Variants in CADM1 observed in about 807,000 individuals in gnomAD.
The protein encoded by CADM1 is TSLC-1.
A neutral mutation model predicts 53.1 loss-of-function variants in CADM1; 15 were observed. The ratio of observed to expected loss-of-function variants is 0.28; its 90% confidence interval spans 0.19 to 0.44. CADM1 has a LOEUF of 0.44. CADM1 is among the 20% of genes least tolerant of loss of function. The pLI is 1.00. For missense variants in CADM1, 434 were observed against 611.3 expected, an observed-to-expected ratio of 0.71 and a Z score of 3.06; for synonymous variants, 281 against 243.0, an observed-to-expected ratio of 1.16 and a Z score of -1.45.
At chr11:115,449,129 G>A (rs1187987666) in intron 1 of CADM1, among the ~76,000 whole-genome samples, 1 of 152,112 alleles carries the variant, frequency 6.6e-6, no homozygotes, top group Non-Finnish European at 1.5e-5. Flanking sequence ...AATAGATATT[G>A]CAAGCCACCA....
chr11:115,503,027 C>T (rs1949764351), intron 1 of CADM1, among the ~76,000 whole-genome samples: 1 of 152,156 alleles, frequency 6.6e-6, no homozygotes, highest in Admixed American at 6.5e-5. Flanking sequence ...CCTGCTGCAT[C>T]CCCTCCTGCA....
chr11:115,252,408 A>AT lies in CADM1; in HGVS notation c.125-11989dup, dbSNP rs201195766. ...CTTATGATCTTCCATAATCTGCTGA[A>AT]TTTTTTTTTATTTCAGAGGTTTAGC... On this transcript the variant is annotated intron_variant, in intron 1 of 11. Coordinates refer to ENST00000331581, the MANE Select transcript of CADM1 (RefSeq NM_001301043.2). Among the ~76,000 whole-genome samples, 1,046 of 151,976 alleles carry AT rather than the reference A, an allele frequency of 6.9e-3. 8 individuals are homozygous for AT. Among genetic ancestry groups the AT allele is most frequent in the African/African-American group, 0.02 (833 of 41,440 alleles).
At chr11:115,454,049 TA>T (rs912372692) in intron 1 of CADM1, among the ~76,000 whole-genome samples, 40 of 146,326 alleles carry the variant, frequency 2.7e-4, no homozygotes, top group Middle Eastern at 3.5e-3. Context: ...AAATGTTCTT[TA>T]AAAAAAAAAT....
intron 1 of CADM1, among the ~76,000 whole-genome samples, chr11:115,439,591 G>A (rs1948262211): frequency 1.3e-5 from 2 of 152,190 alleles, no homozygotes; most frequent in South Asian, 2.1e-4. Context: ...ATGTTTTGCA[G>A]AGATGTCCAC....
At chr11:115,406,244 C>T (rs1173070376) in intron 1 of CADM1, among the ~76,000 whole-genome samples, 2 of 151,966 alleles carry the variant, frequency 1.3e-5, no homozygotes, top group African/African-American at 4.8e-5. Context: ...CATATATTCA[C>T]TCGCTTCCTT....
At chr11:115,227,893 A>G (rs1591623929) in intron 5 of CADM1, among the ~76,000 whole-genome samples, 1 of 152,366 alleles carries the variant, frequency 6.6e-6, no homozygotes, top group East Asian at 1.9e-4. Flanking sequence ...GCTCCCAAAG[A>G]TAAGTCCATG....
intron 1 of CADM1, among the ~76,000 whole-genome samples, chr11:115,415,874 A>G (rs899128311): frequency 6.6e-6 from 1 of 151,664 alleles, no homozygotes; most frequent in Admixed American, 6.6e-5. Context: ...TAAGTGGGAT[A>G]ATCAAAGTAG....
At chr11:115,235,878 T>A (rs550310306) in intron 3 of CADM1, among the ~76,000 whole-genome samples, 19 of 152,276 alleles carry the variant, frequency 1.2e-4, no homozygotes, top group African/African-American at 4.6e-4. Context: ...TGAATAGTAG[T>A]ATAAAGAGAG....
At chr11:115,179,954 G>A (rs1232453430) in intron 10 of CADM1, among the ~76,000 whole-genome samples, 1 of 152,202 alleles carries the variant, frequency 6.6e-6, no homozygotes, top group African/African-American at 2.4e-5. Flanking sequence ...CATTTCACCA[G>A]GAAGACTGAG....
intron 1 of CADM1, among the ~76,000 whole-genome samples, chr11:115,262,999 G>A (rs552588016): frequency 2.6e-5 from 4 of 152,302 alleles, no homozygotes; most frequent in African/African-American, 7.2e-5. Context: ...GAAGAGTACC[G>A]GTCAGCTATT....
chr11:115,385,633 G>GAA (rs3045733), intron 1 of CADM1, among the ~76,000 whole-genome samples: 9 of 111,484 alleles, frequency 8.1e-5, no homozygotes, highest in African/African-American at 2.2e-4. Context: ...AAGGATTAAA[G>GAA]AAAAAAAAAA....
intron 11 of CADM1, among the ~76,000 whole-genome samples, chr11:115,177,956 C>A (rs1035156462): frequency 6.6e-6 from 1 of 151,800 alleles, no homozygotes; most frequent in African/African-American, 2.4e-5. Flanking sequence ...GAGACAGGGG[C>A]GGACAAAGAA....
chr11:115,417,123 G>C (rs190952029), intron 1 of CADM1, among the ~76,000 whole-genome samples: 1 of 152,306 alleles, frequency 6.6e-6, no homozygotes, highest in Non-Finnish European at 1.5e-5. Context: ...AACCATCCAA[G>C]GGAAAATAGA....
At chr11:115,281,026 T>C (rs1353066421) in intron 1 of CADM1, among the ~76,000 whole-genome samples, 1 of 152,234 alleles carries the variant, frequency 6.6e-6, no homozygotes, top group Non-Finnish European at 1.5e-5. Context: ...CTATGGCCCC[T>C]CTGGCCTTGA....
intron 1 of CADM1, among the ~76,000 whole-genome samples, chr11:115,486,653 C>A (rs314515): frequency 0.052 from 7,961 of 152,258 alleles, 253 homozygotes; most frequent in Middle Eastern, 0.092. Context: ...CCTTGAATTT[C>A]ATTTAAACCT....
intron 1 of CADM1, among the ~76,000 whole-genome samples, chr11:115,339,432 T>C (rs1450523354): frequency 2.0e-5 from 3 of 152,120 alleles, no homozygotes; most frequent in Non-Finnish European, 2.9e-5. Flanking sequence ...ATATACACCA[T>C]GGAATACTAT....
At chr11:115,252,965 A>G (rs536331606) in intron 1 of CADM1, among the ~76,000 whole-genome samples, 5 of 152,312 alleles carry the variant, frequency 3.3e-5, no homozygotes, top group African/African-American at 1.2e-4. Context: ...ATGCACGAAT[A>G]CTTGGCCTTC....
chr11:115,198,150 G>A (rs1940250443), intron 9 of CADM1, among the ~76,000 whole-genome samples: 1 of 152,180 alleles, frequency 6.6e-6, no homozygotes, highest in Non-Finnish European at 1.5e-5. Context: ...AGGACTCTGT[G>A]CCACTGAAAC....
At chr11:115,302,122 A>G (rs1262515644) in intron 1 of CADM1, among the ~76,000 whole-genome samples, 1 of 151,928 alleles carries the variant, frequency 6.6e-6, no homozygotes, top group African/African-American at 2.4e-5. Context: ...GGACACATAG[A>G]GGGGAACCAC....
Sources: allele counts gnomAD v4.1 joint callset (sites outside exome capture counted in the v4.1 genomes callset), GRCh38; gene constraint gnomAD v4.1.1; transcripts MANE v1.5; gene names NCBI Gene and HGNC (gene_info 2026-07-23, HGNC 2026-07-21).